SEC14L1: variants seen among roughly 807,000 people sequenced by gnomAD.
SEC14L1 encodes SEC14-like protein 1.
A neutral mutation model predicts 85.3 loss-of-function variants in SEC14L1; 48 were observed. The ratio of observed to expected loss-of-function variants is 0.56; its 90% confidence interval spans 0.45 to 0.72. The LOEUF (loss-of-function observed/expected upper bound fraction) is 0.72. Among genes scored for constraint, SEC14L1 ranks in the 30% least tolerant of loss-of-function variants. SEC14L1 has a pLI of 0.00. For synonymous variants in SEC14L1, 391 were observed against 355.5 expected, an observed-to-expected ratio of 1.10 and a Z score of -1.12; for missense variants, 682 against 921.4, an observed-to-expected ratio of 0.74 and a Z score of 3.36.
chr17:77,147,230 G>A (rs117277075), intron 3 of SEC14L1, among the ~76,000 whole-genome samples: 1,834 of 152,264 alleles, frequency 0.012, 23 homozygotes, highest in South Asian at 0.046. Flanking sequence ...TTAACCAAGA[G>A]TTTACTTGTA....
Position 77,213,341 on chromosome 17 carries a change from T to C in SEC14L1, c.1891T>C (p.Phe631Leu). The change falls in exon 16 of 17, where the codon TTC becomes CTC. Residue 631 changes from phenylalanine (F) to leucine (L), a missense_variant. Physicochemically the swap from Phe to Leu is conservative, Grantham distance 22. This residue lies in a region of SEC14L1 where 420 missense variants were observed against 619.5 expected (regional missense o/e 0.68). Coordinates refer to ENST00000436233, the MANE Select transcript of SEC14L1 (RefSeq NM_001143998.2). This position sits in a 1 kb window ranked among gnomAD's most constrained non-coding sequence, Gnocchi z 7.1. ...TTCCCATGTGACCAGGTGGCCGGGC[T>C]TCTACATCCTGCAGTGGAAATTCCA... is the stretch of plus-strand genomic sequence containing the variant. Reference protein sequence around the residue: ...QGSHVTRWPGFYILQWKFHSM... With the variant: ...QGSHVTRWPGLYILQWKFHSM... The C allele has an allele frequency of 6.2e-7, 1 of 1,612,748 alleles. No homozygotes were observed.
intron 2 of SEC14L1, among the ~76,000 whole-genome samples, chr17:77,091,855 CA>C (rs1971526270): frequency 1.3e-5 from 2 of 151,774 alleles, no homozygotes; most frequent in Non-Finnish European, 2.9e-5. Flanking sequence ...TTCTGTTGCC[CA>C]GGCTGAGTGC....
intron 3 of SEC14L1, among the ~76,000 whole-genome samples, chr17:77,128,705 C>G (rs564956456): frequency 6.6e-6 from 1 of 152,048 alleles, no homozygotes; most frequent in East Asian, 1.9e-4. Context: ...CCACCTGCCT[C>G]GGCCTCCCAA....
intron 3 of SEC14L1, among the ~76,000 whole-genome samples, chr17:77,162,460 TG>T (rs1198212159): frequency 6.6e-6 from 1 of 152,220 alleles, no homozygotes; most frequent in African/African-American, 2.4e-5. Context: ...CAATTTCTTC[TG>T]GGTGTAATTT....
At position 77,215,993 on chromosome 17, in the gene SEC14L1, A is replaced by AGTAGGTAGGGTTC. The variant is rs1268148728; in HGVS notation, c.*1994_*2006dup. 1 of 699,704 alleles carries AGTAGGTAGGGTTC rather than the reference A, an allele frequency of 1.4e-6. No homozygotes were observed. Among genetic ancestry groups the AGTAGGTAGGGTTC allele is most frequent in the African/African-American group, 2.6e-5 (1 of 38,042 alleles). The allele number at this position is 699,704 out of a possible 1,614,324, so 43.3% of individuals were successfully genotyped here. ...GTAGGTAGGGTTAGTAGGTAGGGCTAGTAGGTAGGGTTCGTAGGTAGGGTT... is the reference window on the plus strand; with the variant it reads ...GTAGGTAGGGTTAGTAGGTAGGGCTAGTAGGTAGGGTTCGTAGGTAGGGTTCGTAGGTAGGGTT... On this transcript the variant is annotated 3_prime_UTR_variant, in exon 17 of 17. Transcript: ENST00000436233.
intron 3 of SEC14L1, among the ~76,000 whole-genome samples, chr17:77,163,562 A>G (rs575649160): frequency 6.6e-6 from 1 of 152,324 alleles, no homozygotes; most frequent in African/African-American, 2.4e-5. Context: ...GTTAACAAGC[A>G]GAATTTTTAA....
intron 3 of SEC14L1, among the ~76,000 whole-genome samples, chr17:77,130,796 G>A (rs1220389657): frequency 6.6e-6 from 1 of 152,002 alleles, no homozygotes; most frequent in African/African-American, 2.4e-5. Flanking sequence ...TGTAAAGACA[G>A]GGTCTTGCCA....
intron 3 of SEC14L1, among the ~76,000 whole-genome samples, chr17:77,150,816 G>T (rs1973522891): frequency 6.6e-6 from 1 of 152,152 alleles, no homozygotes. Context: ...CCCGTACCTT[G>T]CCTGAATATT....
Position 77,215,919 on chromosome 17 carries a change from G to C in SEC14L1, c.*1896G>C, listed in dbSNP as rs555652240. The C allele has an allele frequency of 1.0e-6, 1 of 975,664 alleles. No individual in the cohort carries two copies. Among genetic ancestry groups the C allele is most frequent in the South Asian group, 4.9e-5 (1 of 20,582 alleles). The allele number at this position is 975,664 out of a possible 1,614,324, so 60.4% of individuals were successfully genotyped here. The stretch of plus-strand genomic sequence containing the variant: ...TAGGTAGGGCTAGTAGGTAGGGTTA[G>C]TAGGTAGGGTTCGTAGGTAGGGTTC... On this transcript the variant is annotated 3_prime_UTR_variant, in exon 17 of 17. Coordinates refer to ENST00000436233, the MANE Select transcript of SEC14L1 (RefSeq NM_001143998.2).
intron 3 of SEC14L1, among the ~76,000 whole-genome samples, chr17:77,109,116 C>T (rs918317952): frequency 6.6e-6 from 1 of 152,074 alleles, no homozygotes; most frequent in African/African-American, 2.4e-5. Flanking sequence ...GCCACCGCAC[C>T]CAGCCTGGGG....
At position 77,213,745 on chromosome 17, in the gene SEC14L1, G is replaced by A; in HGVS notation, c.2043-173G>A. 1 of 921,504 alleles carries A rather than the reference G, an allele frequency of 1.1e-6. No homozygotes were observed. Among genetic ancestry groups the A allele is most frequent in the Non-Finnish European group, 1.7e-6 (1 of 582,866 alleles). The allele number at this position is 921,504 out of a possible 1,614,324, so 57.1% of individuals were successfully genotyped here. ...ACACTGCCGTCTGCGTGCAGGCTGTGGGAAGCCGGTCCCCCTGGTGGGTTA... is the reference window on the plus strand; with the variant it reads ...ACACTGCCGTCTGCGTGCAGGCTGTAGGAAGCCGGTCCCCCTGGTGGGTTA... On this transcript the variant is annotated intron_variant, in intron 16 of 16. Coordinates refer to ENST00000436233, the MANE Select transcript of SEC14L1 (RefSeq NM_001143998.2). The surrounding 1 kb of genome is among the most constrained non-coding windows in gnomAD (Gnocchi z 7.1).
At position 77,095,813 on chromosome 17, in the gene SEC14L1, T is replaced by A. The variant is rs369868213; in HGVS notation, c.-136+2466T>A. ...GCCTAGAAGACAGAGCAAGACTTTG[T>A]CTCAAAAAAAAAAAATTAACTAATT... is the stretch of plus-strand genomic sequence containing the variant. On this transcript the variant is annotated intron_variant, in intron 3 of 19. Transcript: ENST00000392476. Among the ~76,000 whole-genome samples the A allele has an allele frequency of 4.7e-3, 447 of 95,936 alleles. 1 individual carries two copies. The highest frequency in any genetic ancestry group is 0.037 in the Middle Eastern group (8 of 218). 62.9% of individuals were successfully genotyped at this position (95,936 alleles called of 152,430 possible).
chr17:77,196,353 C>T (rs113373086), intron 8 of SEC14L1, 42 bp downstream of exon 8: 7 of 1,172,174 alleles, frequency 6.0e-6, no homozygotes, highest in African/African-American at 4.7e-5. Flanking sequence ...GCCAGAGCTA[C>T]GTGAAATCAT....
chr17:77,206,995 G>A lies in SEC14L1; in HGVS notation c.1476+133G>A, dbSNP rs753580577. The A allele has an allele frequency of 2.3e-5, 21 of 927,360 alleles. No individual in the cohort carries two copies. The East Asian group carries it at 2.4e-4, about 11-fold the overall frequency. The allele number at this position is 927,360 out of a possible 1,614,324, so 57.4% of individuals were successfully genotyped here. ...TGTTTTTGTTTTGTTTCTTTTGGCC[G>A]CCATTTCTCTGATCCAGGGTTAAGC... On this transcript the variant is annotated intron_variant, in intron 13 of 16. Transcript: ENST00000436233. The surrounding 1 kb of genome is among the most constrained non-coding windows in gnomAD (Gnocchi z 4.3).
At chr17:77,100,076 T>C (rs1248791040) in intron 3 of SEC14L1, among the ~76,000 whole-genome samples, 1 of 152,252 alleles carries the variant, frequency 6.6e-6, no homozygotes, top group Non-Finnish European at 1.5e-5. Context: ...CGGGAGCCAT[T>C]TTCCATTCCT....
At position 77,191,170 on chromosome 17, in the gene SEC14L1, TTTTTTTGA is replaced by T. The variant is rs1975515787; in HGVS notation, c.214-10_214-3del. The T allele has an allele frequency of 1.2e-6, 2 of 1,609,766 alleles. No individual in the cohort carries two copies. Among genetic ancestry groups the T allele is most frequent in the Non-Finnish European group, 1.7e-6 (2 of 1,176,932 alleles). On this transcript the variant is annotated splice_polypyrimidine_tract_variant and splice_region_variant and intron_variant, in intron 4 of 16. Transcript: ENST00000436233. Reference sequence around the variant, plus strand: ...TTAATAAACCCATTTCTCTTTCTTTTTTTTTTGAAGATTGCAGGAGTTGATTATGTTTA... The same window carrying T: ...TTAATAAACCCATTTCTCTTTCTTTTAGATTGCAGGAGTTGATTATGTTTA...
In SEC14L1 at chr17:77,213,303, A is replaced by G. The variant is rs1271951729; in HGVS notation, c.1864-11A>G. The G allele has an allele frequency of 6.3e-7, 1 of 1,596,732 alleles. No individual in the cohort carries two copies. Among genetic ancestry groups the G allele is most frequent in the Admixed American group, 1.7e-5 (1 of 58,826 alleles). On this transcript the variant is annotated splice_polypyrimidine_tract_variant and intron_variant, in intron 15 of 16. Transcript: ENST00000436233. The surrounding 1 kb of genome is among the most constrained non-coding windows in gnomAD (Gnocchi z 7.1). ...AGTCGCCCTCAGCTGCCACTGCCCTACTTGTTCTAGGGTTCCCATGTGACC... is the reference window on the plus strand; with the variant it reads ...AGTCGCCCTCAGCTGCCACTGCCCTGCTTGTTCTAGGGTTCCCATGTGACC...
intron 8 of SEC14L1, chr17:77,199,005 CTTT>C (rs570875410): frequency 6.0e-5 from 8 of 133,916 alleles, no homozygotes; most frequent in Non-Finnish European, 6.4e-5. Flanking sequence ...CGTCTTCTTT[CTTT>C]TTTTTTTTTT....
intron 3 of SEC14L1, among the ~76,000 whole-genome samples, chr17:77,182,123 C>G (rs1253596088): frequency 6.6e-6 from 1 of 152,090 alleles, no homozygotes; most frequent in Admixed American, 6.6e-5. Context: ...TGGAAAACAG[C>G]TGGCTTGGTG....
Sources: allele counts gnomAD v4.1 joint callset (sites outside exome capture counted in the v4.1 genomes callset), GRCh38; gene constraint gnomAD v4.1.1; regional missense constraint gnomAD v4.1.1; non-coding constraint Gnocchi (gnomAD v3.1); transcripts MANE v1.5; gene names NCBI Gene and HGNC (gene_info 2026-07-23, HGNC 2026-07-21).